Variants in ZNF605 observed in about 807,000 individuals in gnomAD.
ZNF605 encodes zinc finger protein 605.
ZNF605 carries 9 observed loss-of-function variants against 7.9 expected under a neutral mutation model. The ratio of observed to expected loss-of-function variants is 1.14; its 90% CI spans 0.68 to 1.98. The LOEUF (loss-of-function observed/expected upper bound fraction) is 1.98, where lower values mean the gene tolerates loss of function less well. ZNF605 is among the 30% of genes most tolerant of loss of function. The probability of loss-of-function intolerance (pLI) is 0.00; values close to 1 mark genes in which losing one functional copy is unlikely to be tolerated. For missense variants in ZNF605, 673 were observed against 762.4 expected (o/e 0.88, Z 1.38); for synonymous variants, 255 against 260.1 (o/e 0.98, Z 0.19).
chr12:132,951,284 G>A (rs1457272822), intron 1 of ZNF605, among the ~76,000 whole-genome samples: 6 of 148,932 alleles, frequency 4.0e-5, no homozygotes, highest in African/African-American at 9.9e-5. Flanking sequence ...ACAGATACAC[G>A]TACACACAGA....
chr12:132,951,494 T>C (rs1952566106), intron 1 of ZNF605, among the ~76,000 whole-genome samples: 1 of 148,286 alleles, frequency 6.7e-6, no homozygotes, highest in Non-Finnish European at 1.5e-5. Flanking sequence ...ATACATCACA[T>C]ATACACACAC....
chr12:132,944,645 T>G (rs1952479918), intron 3 of ZNF605, among the ~76,000 whole-genome samples: 1 of 152,206 alleles, frequency 6.6e-6, no homozygotes, highest in East Asian at 1.9e-4. Flanking sequence ...ATCTCAGTCC[T>G]CGAAGAAACT....
intron 3 of ZNF605, among the ~76,000 whole-genome samples, chr12:132,937,369 A>G (rs1952378610): frequency 6.6e-6 from 1 of 151,802 alleles, no homozygotes; most frequent in Non-Finnish European, 1.5e-5. Flanking sequence ...CAAAAAAAAA[A>G]AAAAAAAAAA....
rs1309833215 is a variant in ZNF605 at position 132,939,063 on chromosome 12, C to G, written c.16-5908G>C. ...CACTCCATGGGCTCCCATGCGGCCCCAGCCTCCCTGACGAGCACCACCCCC... is the reference window on the plus strand; with the variant it reads ...CACTCCATGGGCTCCCATGCGGCCCGAGCCTCCCTGACGAGCACCACCCCC... On this transcript the variant is annotated intron_variant, in intron 3 of 4. Coordinates refer to ENST00000360187, the MANE Select transcript of ZNF605 (RefSeq NM_183238.4). Among the ~76,000 whole-genome samples, 601 of 148,976 alleles carry G rather than the reference C, an allele frequency of 4.0e-3. 2 individuals carry two copies. The highest frequency in any genetic ancestry group is 6.9e-3 in the Non-Finnish European group (457 of 66,074).
Position 132,933,049 on chromosome 12 carries a change from T to C in ZNF605, c.122A>G (p.Asn41Ser), listed in dbSNP as rs1241845201. 4.4e-6 allele frequency: 7 copies of C among 1,594,484 alleles called. No individual in the cohort carries two copies. The highest frequency in any genetic ancestry group is 2.7e-5 in the African/African-American group (2 of 74,318). Residue 41 changes from asparagine to serine, a missense_variant, in exon 4 of 5, where the codon AAT (asparagine) becomes AGT (serine). Physicochemically the swap from Asn to Ser is conservative, Grantham distance 46. Coordinates refer to ENST00000360187, the MANE Select transcript of ZNF605 (RefSeq NM_183238.4). This position sits in a 1 kb window ranked among gnomAD's most constrained non-coding sequence, Gnocchi z 4.4. ...AATGTTCTTACCCAAGAAAACCAGATTGCTATAGTTCTCCAACATCACATC... is the reference window on the plus strand; with the variant it reads ...AATGTTCTTACCCAAGAAAACCAGACTGCTATAGTTCTCCAACATCACATC... Reference protein sequence around the residue: ...YRDVMLENYSNLVFLEVWLDN... With the variant: ...YRDVMLENYSSLVFLEVWLDN...
In ZNF605 at chr12:132,941,824, G is replaced by C. The variant is rs1161316083; in HGVS notation, c.15+3797C>G. 6.6e-6 allele frequency among the ~76,000 whole-genome samples: 1 copy of C among 150,660 alleles called. No individual in the cohort carries two copies. The highest frequency in any genetic ancestry group is 2.4e-5 in the African/African-American group (1 of 40,822). ...GCTGCCCTCTGTCACGCTCCTTCTC[G>C]AGGCTGCCCTCCATCACGCGTCCTT... On this transcript the variant is annotated intron_variant, in intron 3 of 4. Coordinates refer to ENST00000360187, the MANE Select transcript of ZNF605 (RefSeq NM_183238.4). This position sits in a 1 kb window ranked among gnomAD's most constrained non-coding sequence, Gnocchi z 5.1.
rs2137148454 is a variant in ZNF605, at chr12:132,941,081, C to T, written c.15+4540G>A. 6.6e-6 allele frequency among the ~76,000 whole-genome samples: 1 copy of T among 152,186 alleles called. No individual in the cohort carries two copies. Among genetic ancestry groups the T allele is most frequent in the South Asian group, 2.1e-4 (1 of 4,826 alleles). On this transcript the variant is annotated intron_variant, in intron 3 of 4. Coordinates refer to ENST00000360187, the MANE Select transcript of ZNF605 (RefSeq NM_183238.4). The surrounding 1 kb of genome is among the most constrained non-coding windows in gnomAD (Gnocchi z 5.1). The stretch of plus-strand genomic sequence containing the variant: ...TTTTGTTACCCATACGGGTGCTCAC[C>T]AAAAAGACTCCAGTGCTGACCCAGG...
chr12:132,942,083 C>T (rs903751645), intron 3 of ZNF605, among the ~76,000 whole-genome samples: 1 of 152,114 alleles, frequency 6.6e-6, no homozygotes, highest in Non-Finnish European at 1.5e-5. Context: ...TGTATACAAC[C>T]TTTCCAGACA....
intron 1 of ZNF605, among the ~76,000 whole-genome samples, chr12:132,953,495 C>T (rs375638332): frequency 0.01 from 1,564 of 152,302 alleles, 11 homozygotes; most frequent in Non-Finnish European, 0.015. Flanking sequence ...GGCAAAATCT[C>T]GGTTCACTGC....
intron 4 of ZNF605, chr12:132,932,781 G>A: frequency 6.5e-7 from 1 of 1,536,380 alleles, no homozygotes; most frequent in Non-Finnish European, 8.7e-7. Context: ...TTTGAACATT[G>A]CATCAGGTTT....
intron 1 of ZNF605, among the ~76,000 whole-genome samples, chr12:132,950,944 C>T (rs1243155516): frequency 1.4e-5 from 2 of 147,884 alleles, no homozygotes; most frequent in Admixed American, 6.8e-5. Context: ...GACACGTACA[C>T]ATAGACATGC....
intron 3 of ZNF605, among the ~76,000 whole-genome samples, chr12:132,936,657 A>G (rs1195744192): frequency 2.6e-5 from 4 of 152,204 alleles, no homozygotes; most frequent in Admixed American, 2.6e-4. Flanking sequence ...ATGTCTCAAC[A>G]ATTTTATACT....
At position 132,925,362 on chromosome 12, in the gene ZNF605, AG is replaced by A. The variant is rs1952236499; in HGVS notation, c.*10del. On this transcript the variant is annotated 3_prime_UTR_variant, in exon 5 of 5. Transcript: ENST00000360187. ...ATAGCAACCTTTCTGCATTCGCCAAAGTCATGATTTTTATATTATATGATTT... is the reference window on the plus strand; with the variant it reads ...ATAGCAACCTTTCTGCATTCGCCAAATCATGATTTTTATATTATATGATTT... 1.9e-6 allele frequency: 3 copies of A among 1,552,660 alleles called. No homozygotes were observed. Among genetic ancestry groups the A allele is most frequent in the African/African-American group, 1.4e-5 (1 of 72,740 alleles).
At chr12:132,946,611 C>A (rs1042425904) in intron 2 of ZNF605, among the ~76,000 whole-genome samples, 2 of 152,234 alleles carry the variant, frequency 1.3e-5, no homozygotes, top group Admixed American at 6.5e-5. Flanking sequence ...CCCTGTGGAA[C>A]TGAGGAATCA....
intron 1 of ZNF605, among the ~76,000 whole-genome samples, chr12:132,955,178 C>G (rs1239055236): frequency 6.6e-6 from 1 of 152,156 alleles, no homozygotes; most frequent in African/African-American, 2.4e-5. Context: ...AGCCACGAGA[C>G]TCACGTGCAT....
Position 132,926,156 on chromosome 12 carries a change from A to C in ZNF605, c.1143T>G (p.Ile381Met), listed in dbSNP as rs1325236037. The C allele has an allele frequency of 3.7e-6, 6 of 1,614,068 alleles. No individual in the cohort carries two copies. The highest frequency in any genetic ancestry group is 5.1e-6 in the Non-Finnish European group (6 of 1,180,002). Residue 381 changes from isoleucine (I) to methionine (M), a missense_variant, in exon 5 of 5, where the codon ATT becomes ATG. Ile to Met is a conservative substitution (Grantham distance 10). Transcript: ENST00000360187. Reference protein sequence around the residue: ...GEAFIRKPQLIKHQITHTGEK... With the variant: ...GEAFIRKPQLMKHQITHTGEK... ...CTCCTGTGTGAGTTATCTGATGTTT[A>C]ATCAGCTGTGGTTTTCTGATGAAGG...
In ZNF605 at chr12:132,935,935, C is replaced by A. The variant is rs1363062802; in HGVS notation, c.16-2780G>T. 8.8e-5 allele frequency among the ~76,000 whole-genome samples: 13 copies of A among 147,364 alleles called. 1 individual carries two copies. Among genetic ancestry groups the A allele is most frequent in the Admixed American group, 2.8e-4 (4 of 14,504 alleles). On this transcript the variant is annotated intron_variant, in intron 3 of 4. Transcript: ENST00000360187. ...AATTAGCCGGGCGTGGTGGTGGGTG[C>A]CTGTAGTCCCAGCTACTCGGGAGGC...
Position 132,926,223 on chromosome 12 carries a change from T to C in ZNF605, c.1076A>G (p.His359Arg). 1.2e-6 allele frequency: 2 copies of C among 1,614,214 alleles called. No individual in the cohort carries two copies. The highest frequency in any genetic ancestry group is 1.7e-6 in the Non-Finnish European group (2 of 1,180,032). ...GCATTCGTAGGGCTTCTCTCCTGTA[T>C]GAATCCTCTGATGCCTAATGAGAAG... is the stretch of plus-strand genomic sequence containing the variant. ...NSLLIRHQRI[H>R]TGEKPYECNE... is the part of the protein sequence containing the mutation. The change falls in exon 5 of 5, where the codon CAT becomes CGT. Residue 359 changes from histidine to arginine, a missense_variant. Coordinates refer to ENST00000360187, the MANE Select transcript of ZNF605 (RefSeq NM_183238.4).
Position 132,926,014 on chromosome 12 carries a change from T to A in ZNF605, c.1285A>T (p.Thr429Ser), listed in dbSNP as rs1952243197. ...AGGAGCTGGGACTTCCCAAAGAAGG[T>A]TTTCCCACATTGAATGCATCCATAT... ...KPYGCIQCGK[T>S]FFGKSQLLTH... is the part of the protein sequence containing the mutation. The change falls in exon 5 of 5, where the codon ACC (threonine) becomes TCC (serine). Residue 429 changes from threonine to serine, a missense_variant. Transcript: ENST00000360187. 1 of 1,613,938 alleles carries A rather than the reference T, an allele frequency of 6.2e-7. No individual in the cohort carries two copies. Among genetic ancestry groups the A allele is most frequent in the Non-Finnish European group, 8.5e-7 (1 of 1,180,000 alleles).
Sources: allele counts gnomAD v4.1 joint callset (sites outside exome capture counted in the v4.1 genomes callset), GRCh38; gene constraint gnomAD v4.1.1; non-coding constraint Gnocchi (gnomAD v3.1); transcripts MANE v1.5; gene names NCBI Gene and HGNC (gene_info 2026-07-23, HGNC 2026-07-21).